MECOM: variants seen among roughly 807,000 people sequenced by gnomAD.
MECOM encodes the protein MDS1 and EVI1 complex locus.
A neutral mutation model predicts 116.3 loss-of-function variants in MECOM; 13 were observed. That is an observed-to-expected ratio of 0.11 (90% CI 0.07 to 0.18). The LOEUF is 0.18. Among genes scored for constraint, MECOM ranks in the 10% least tolerant of loss-of-function variants. The pLI is 1.00. For missense variants in MECOM, 1,299 were observed against 1,509.0 expected, an observed-to-expected ratio of 0.86 and a Z score of 2.31; for synonymous variants, 528 against 535.2, an observed-to-expected ratio of 0.99 and a Z score of 0.19.
intron 2 of MECOM, among the ~76,000 whole-genome samples, chr3:169,196,267 A>C (rs1033311871): frequency 9.2e-5 from 14 of 151,994 alleles, no homozygotes; most frequent in Non-Finnish European, 1.9e-4. Flanking sequence ...TTTCCTCCCC[A>C]ATTCTCAGCT....
chr3:169,202,944 A>T (rs906251248), intron 2 of MECOM, among the ~76,000 whole-genome samples: 1 of 151,974 alleles, frequency 6.6e-6, no homozygotes, highest in Non-Finnish European at 1.5e-5. Context: ...TATACAAGGG[A>T]CTGCAAAGAA....
chr3:169,203,777 T>G (rs937945149), intron 2 of MECOM, among the ~76,000 whole-genome samples: 1 of 152,186 alleles, frequency 6.6e-6, no homozygotes, highest in African/African-American at 2.4e-5. Context: ...TTGCTGTCAT[T>G]GCATTCTTAG....
intron 1 of MECOM, among the ~76,000 whole-genome samples, chr3:169,508,512 ACACT>A (rs2109014582): frequency 6.9e-6 from 1 of 145,186 alleles, no homozygotes; most frequent in Admixed American, 6.9e-5. Context: ...ACACACATAC[ACACT>A]CACACACACA....
At chr3:169,288,228 TA>T (rs11425785) in intron 2 of MECOM, among the ~76,000 whole-genome samples, 354 of 139,644 alleles carry the variant, frequency 2.5e-3, no homozygotes, top group Admixed American at 2.9e-3. Flanking sequence ...CAAGTTTTAG[TA>T]AAAAAAAAAA....
intron 2 of MECOM, among the ~76,000 whole-genome samples, chr3:169,215,058 A>G (rs1007552537): frequency 5.3e-5 from 8 of 151,044 alleles, no homozygotes; most frequent in African/African-American, 1.9e-4. Context: ...TTAGAAAATC[A>G]GTATCATTTA....
At chr3:169,205,234 T>A (rs994038610) in intron 2 of MECOM, among the ~76,000 whole-genome samples, 1 of 152,204 alleles carries the variant, frequency 6.6e-6, no homozygotes, top group East Asian at 1.9e-4. Flanking sequence ...GGGTTTATAA[T>A]GGAAACGCTG....
intron 2 of MECOM, among the ~76,000 whole-genome samples, chr3:169,200,829 C>A (rs907519942): frequency 1.3e-5 from 2 of 152,094 alleles, no homozygotes; most frequent in Non-Finnish European, 2.9e-5. Context: ...CCTCTACAGG[C>A]AAGACCTCCC....
At chr3:169,422,691 CT>C (rs1351349354) in intron 1 of MECOM, among the ~76,000 whole-genome samples, 2 of 152,076 alleles carry the variant, frequency 1.3e-5, no homozygotes, top group East Asian at 3.9e-4. Context: ...TAAATTTGGC[CT>C]TTTGGCAGAG....
chr3:169,291,123 G>A (rs1714470863), intron 2 of MECOM, among the ~76,000 whole-genome samples: 1 of 152,088 alleles, frequency 6.6e-6, no homozygotes, highest in Admixed American at 6.5e-5. Context: ...TTCAGTCGAA[G>A]CTCATTTCAT....
At chr3:169,528,662 C>T (rs1758227623) in intron 1 of MECOM, among the ~76,000 whole-genome samples, 1 of 152,192 alleles carries the variant, frequency 6.6e-6, no homozygotes, top group Non-Finnish European at 1.5e-5. Flanking sequence ...CTTCATTGAA[C>T]TTCATTTATT....
intron 2 of MECOM, among the ~76,000 whole-genome samples, chr3:169,339,905 T>C (rs1168283180): frequency 1.3e-5 from 2 of 152,166 alleles, no homozygotes; most frequent in South Asian, 2.1e-4. Context: ...TGGGGGGAAG[T>C]GGGAGGGCAC....
intron 2 of MECOM, among the ~76,000 whole-genome samples, chr3:169,362,576 G>T (rs1728482989): frequency 6.6e-6 from 1 of 151,926 alleles, no homozygotes; most frequent in African/African-American, 2.4e-5. Flanking sequence ...GGGGCTAGGA[G>T]TAAAGGCCTG....
chr3:169,640,705 G>A (rs1007580723), intron 1 of MECOM, among the ~76,000 whole-genome samples: 8 of 152,072 alleles, frequency 5.3e-5, no homozygotes, highest in African/African-American at 1.4e-4. Context: ...TCTCATCTCC[G>A]TGTTATAGAG....
intron 1 of MECOM, among the ~76,000 whole-genome samples, chr3:169,503,727 T>C (rs1454379217): frequency 1.3e-5 from 2 of 152,184 alleles, no homozygotes; most frequent in African/African-American, 4.8e-5. Context: ...GCTATGTAGT[T>C]ATTTCTTTAA....
At position 169,568,195 on chromosome 3, in the gene MECOM, C is replaced by G. The variant is rs62295979; in HGVS notation, c.37+95141G>C. On this transcript the variant is annotated intron_variant, in intron 1 of 16. Coordinates refer to ENST00000651503, the MANE Select transcript of MECOM (RefSeq NM_004991.4). Reference sequence around the variant, plus strand: ...GGGACAGTGTACTCTGGCCCAGATACTATGCTTTTCCAACTGTCTTCACAA... The same window carrying G: ...GGGACAGTGTACTCTGGCCCAGATAGTATGCTTTTCCAACTGTCTTCACAA... 1.9e-3 allele frequency among the ~76,000 whole-genome samples: 292 copies of G among 152,342 alleles called. 1 individual carries two copies. Among genetic ancestry groups the G allele is most frequent in the South Asian group, 6.6e-3 (32 of 4,826 alleles).
chr3:169,100,243 T>C (rs1243691265), intron 12 of MECOM, among the ~76,000 whole-genome samples: 4 of 151,358 alleles, frequency 2.6e-5, no homozygotes, highest in African/African-American at 9.7e-5. Flanking sequence ...GGACTACAGG[T>C]GTGAGCCACC....
At chr3:169,568,539 G>T (rs1186659624) in intron 1 of MECOM, among the ~76,000 whole-genome samples, 2 of 152,150 alleles carry the variant, frequency 1.3e-5, no homozygotes, top group Non-Finnish European at 2.9e-5. Context: ...GGGGGGAGGG[G>T]CATCCACCAT....
chr3:169,241,661 T>G (rs1754828564), intron 2 of MECOM, among the ~76,000 whole-genome samples: 1 of 152,206 alleles, frequency 6.6e-6, no homozygotes, highest in African/African-American at 2.4e-5. Context: ...TATTTGAAAT[T>G]TCTTGTAATT....
intron 2 of MECOM, among the ~76,000 whole-genome samples, chr3:169,162,295 C>T (rs1427486155): frequency 1.3e-5 from 2 of 152,092 alleles, no homozygotes; most frequent in Non-Finnish European, 2.9e-5. Flanking sequence ...GCAGAGGAAA[C>T]AAAAAATTAA....
Sources: allele counts gnomAD v4.1 joint callset (sites outside exome capture counted in the v4.1 genomes callset), GRCh38; gene constraint gnomAD v4.1.1; transcripts MANE v1.5; gene names NCBI Gene and HGNC (gene_info 2026-07-23, HGNC 2026-07-21).